MT2A: variants seen among roughly 807,000 people sequenced by gnomAD.
MT2A encodes metallothionein-2.
Under a neutral mutation model 9.9 loss-of-function variants are expected in MT2A, and 6 were observed. The observed-to-expected ratio is 0.61, with a 90% CI of 0.33 to 1.20. The LOEUF is 1.20. MT2A is among the 50% of genes most tolerant of loss of function. MT2A has a pLI of 0.04. For missense variants in MT2A, 57 were observed against 78.2 expected, an observed-to-expected ratio of 0.73 and a Z score of 1.02; for synonymous variants, 27 against 28.7, an observed-to-expected ratio of 0.94 and a Z score of 0.18.
At chr16:56,609,170 G>T (rs1960003230) in intron 2 of MT2A, 93 bp from the exon 3 acceptor site, 1 of 1,612,012 alleles carries the variant, frequency 6.2e-7, no homozygotes, top group Non-Finnish European at 8.5e-7. Flanking sequence ...CGCGGAAATT[G>T]TTGCCTCCTC....
rs1191324224 is a variant in MT2A, at chr16:56,608,617, T to C, written c.-39T>C. 2.5e-6 allele frequency: 4 copies of C among 1,613,986 alleles called. No individual in the cohort carries two copies. The highest frequency in any genetic ancestry group is 3.4e-6 in the Non-Finnish European group (4 of 1,179,994). On this transcript the variant is annotated 5_prime_UTR_variant, in exon 1 of 3. Coordinates refer to ENST00000245185, the MANE Select transcript of MT2A (RefSeq NM_005953.5). Reference sequence around the variant, plus strand: ...TCCTCCAAGTCCCAGCGAACCCGCGTGCAACCTGTCCCGACTCTAGCCGCC... The same window carrying C: ...TCCTCCAAGTCCCAGCGAACCCGCGCGCAACCTGTCCCGACTCTAGCCGCC...
intron 2 of MT2A, 69 bp downstream of exon 2, chr16:56,609,126 A>AG: frequency 6.2e-7 from 1 of 1,611,012 alleles, no homozygotes; most frequent in Non-Finnish European, 8.5e-7. Flanking sequence ...CACCATCCTC[A>AG]GGGGAATTAA....
rs929511198 is a variant in MT2A, at chr16:56,609,476, T to C, written c.*122T>C. The C allele has an allele frequency of 1.2e-5, 16 of 1,304,386 alleles. No homozygotes were observed. The highest frequency in any genetic ancestry group is 5.5e-5 in the Admixed American group (2 of 36,132). The allele number at this position is 1,304,386 out of a possible 1,614,324, so 80.8% of individuals were successfully genotyped here. A position where few individuals can be genotyped will look rare whatever the true frequency, so the allele number is the denominator to read the frequency against. ...TTTTTCTATGAAATAATGTGAATGA[T>C]AATAAAACAGCTTTGACTTGATTCT... On this transcript the variant is annotated 3_prime_UTR_variant, in exon 3 of 3. Coordinates refer to ENST00000245185, the MANE Select transcript of MT2A (RefSeq NM_005953.5).
rs1240485558 is a variant in MT2A at position 56,609,102 on chromosome 16, G to T, written c.94+45G>T. Reference sequence around the variant, plus strand: ...TCCTCTACCCCTTCCCTGTCCTCCAGCCTGTCCCCTCTCCACCATCCTCAG... The same window carrying T: ...TCCTCTACCCCTTCCCTGTCCTCCATCCTGTCCCCTCTCCACCATCCTCAG... On this transcript the variant is annotated intron_variant, in intron 2 of 2. Coordinates refer to ENST00000245185, the MANE Select transcript of MT2A (RefSeq NM_005953.5). 6 of 1,612,556 alleles carry T rather than the reference G, an allele frequency of 3.7e-6. No homozygotes were observed. The East Asian group carries it at 1.1e-4, about 30-fold the overall frequency.
Position 56,609,047 on chromosome 16 carries a change from C to G in MT2A, c.84C>G (p.Ser28=). Residue 28 remains serine (S), a synonymous_variant, in exon 2 of 3, where the codon TCC becomes TCG. Coordinates refer to ENST00000245185, the MANE Select transcript of MT2A (RefSeq NM_005953.5). ...SCKCKECKCT[S]CKKSCCSCCP... ...AATGCAAAGAGTGCAAATGCACCTCCTGCAAGAAAAGTAAGTGGGATCCTC... is the reference window on the plus strand; with the variant it reads ...AATGCAAAGAGTGCAAATGCACCTCGTGCAAGAAAAGTAAGTGGGATCCTC... 1.2e-6 allele frequency: 2 copies of G among 1,614,232 alleles called. No individual in the cohort carries two copies. The highest frequency in any genetic ancestry group is 8.5e-7 in the Non-Finnish European group (1 of 1,180,032).
chr16:56,609,140 A>G, intron 2 of MT2A, 83 bp downstream of exon 2: 1 of 1,610,260 alleles, frequency 6.2e-7, no homozygotes, highest in Non-Finnish European at 8.5e-7. Context: ...GAATTAAAGC[A>G]GTCTGGGGAT....
In MT2A at chr16:56,609,460, G is replaced by A; in HGVS notation, c.*106G>A. The A allele has an allele frequency of 7.3e-7, 1 of 1,371,560 alleles. No individual in the cohort carries two copies. The highest frequency in any genetic ancestry group is 1.4e-5 in the South Asian group (1 of 69,376). 85.0% of individuals were successfully genotyped at this position (1,371,560 alleles called of 1,614,324 possible). A position where few individuals can be genotyped will look rare whatever the true frequency, so the allele number is the denominator to read the frequency against. On this transcript the variant is annotated 3_prime_UTR_variant, in exon 3 of 3. Coordinates refer to ENST00000245185, the MANE Select transcript of MT2A (RefSeq NM_005953.5). ...CCGTTTGCTATATTCCTTTTTCTATGAAATAATGTGAATGATAATAAAACA... is the reference window on the plus strand; with the variant it reads ...CCGTTTGCTATATTCCTTTTTCTATAAAATAATGTGAATGATAATAAAACA...
chr16:56,609,424 C>A lies in MT2A; in HGVS notation c.*70C>A. 1 of 1,563,800 alleles carries A rather than the reference C, an allele frequency of 6.4e-7. No homozygotes were observed. Among genetic ancestry groups the A allele is most frequent in the South Asian group, 1.2e-5 (1 of 85,218 alleles). The stretch of plus-strand genomic sequence containing the variant: ...CAAACCTGGATTTTTTATGTACAAC[C>A]CTGACCGTGACCGTTTGCTATATTC... On this transcript the variant is annotated 3_prime_UTR_variant, in exon 3 of 3. Coordinates refer to ENST00000245185, the MANE Select transcript of MT2A (RefSeq NM_005953.5).
chr16:56,608,793 A>G, intron 1 of MT2A, 110 bp downstream of exon 1: 2 of 1,503,280 alleles, frequency 1.3e-6, no homozygotes, highest in Non-Finnish European at 1.8e-6. Flanking sequence ...CTCCTTCCCA[A>G]AGAGTTTTGG....
intron 1 of MT2A, 100 bp downstream of exon 1, chr16:56,608,783 C>A: frequency 6.5e-7 from 1 of 1,538,756 alleles, no homozygotes; most frequent in East Asian, 2.3e-5. Context: ...ACAGGAGTTG[C>A]TCCTTCCCAA....
Position 56,608,630 on chromosome 16 carries a change from G to A in MT2A, c.-26G>A, listed in dbSNP as rs375399881. The A allele has an allele frequency of 4.3e-6, 7 of 1,614,046 alleles. No homozygotes were observed. In the African/African-American group the frequency reaches 5.3e-5, roughly 12 times the overall value. ...AGCGAACCCGCGTGCAACCTGTCCCGACTCTAGCCGCCTCTTCAGCTCGCC... is the reference window on the plus strand; with the variant it reads ...AGCGAACCCGCGTGCAACCTGTCCCAACTCTAGCCGCCTCTTCAGCTCGCC... On this transcript the variant is annotated 5_prime_UTR_variant, in exon 1 of 3. Transcript: ENST00000245185.
At chr16:56,608,789 C>A in intron 1 of MT2A, 106 bp downstream of exon 1, 1 of 1,515,862 alleles carries the variant, frequency 6.6e-7, no homozygotes, top group Non-Finnish European at 9.1e-7. Context: ...GTTGCTCCTT[C>A]CCAAAGAGTT....
chr16:56,609,349 G>A lies in MT2A; in HGVS notation c.181G>A (p.Ala61Thr), dbSNP rs1258205423. The stretch of plus-strand genomic sequence containing the variant: ...GGCGTCGGACAAGTGCAGCTGCTGC[G>A]CCTGATGCTGGGACAGCCCCGCTCC... Reference protein sequence around the residue: ...KGASDKCSCCA With the variant: ...KGASDKCSCCT The change falls in exon 3 of 3, where the codon GCC becomes ACC. Residue 61 changes from alanine (A) to threonine (T), a missense_variant. Ala to Thr is a moderately conservative substitution (Grantham distance 58). Transcript: ENST00000245185. The A allele has an allele frequency of 6.2e-7, 1 of 1,613,908 alleles. No homozygotes were observed. The highest frequency in any genetic ancestry group is 1.3e-5 in the African/African-American group (1 of 74,928).
Position 56,609,323 on chromosome 16 carries a change from G to T in MT2A, c.155G>T (p.Gly52Val), listed in dbSNP as rs769120027. 1.2e-6 allele frequency: 2 copies of T among 1,614,226 alleles called. No homozygotes were observed. The highest frequency in any genetic ancestry group is 1.7e-6 in the Non-Finnish European group (2 of 1,180,046). ...TGTGCCCAGGGCTGCATCTGCAAAG[G>T]GGCGTCGGACAAGTGCAGCTGCTGC... ...AKCAQGCICK[G>V]ASDKCSCCA Residue 52 changes from glycine (G) to valine (V), a missense_variant, in exon 3 of 3, where the codon GGG becomes GTG. Gly to Val is a moderately radical substitution (Grantham distance 109). Transcript: ENST00000245185.
chr16:56,609,079 C>G, intron 2 of MT2A, 22 bp downstream of exon 2: 1 of 1,614,036 alleles, frequency 6.2e-7, no homozygotes, highest in Non-Finnish European at 8.5e-7. Flanking sequence ...CCTCTCTTTC[C>G]TCTACCCCTT....
In MT2A at chr16:56,608,694, G is replaced by A. The variant is rs751072676; in HGVS notation, c.28+11G>A. 30 of 1,614,048 alleles carry A rather than the reference G, an allele frequency of 1.9e-5. No individual in the cohort carries two copies. The highest frequency in any genetic ancestry group is 2.3e-5 in the Non-Finnish European group (27 of 1,180,028). Reference sequence around the variant, plus strand: ...GCTCCTGCGCCGCCGGTAAGAGGCTGGGGATGCCCAGTGTAGACTGTAGCG... The same window carrying A: ...GCTCCTGCGCCGCCGGTAAGAGGCTAGGGATGCCCAGTGTAGACTGTAGCG... On this transcript the variant is annotated intron_variant, in intron 1 of 2. Transcript: ENST00000245185.
chr16:56,608,603 C>T lies in MT2A; in HGVS notation c.-53C>T. The T allele has an allele frequency of 4.3e-6, 7 of 1,613,430 alleles. No individual in the cohort carries two copies. The highest frequency in any genetic ancestry group is 1.1e-5 in the South Asian group (1 of 91,044). ...CACTCCACCACGCCTCCTCCAAGTC[C>T]CAGCGAACCCGCGTGCAACCTGTCC... On this transcript the variant is annotated 5_prime_UTR_variant, in exon 1 of 3. Coordinates refer to ENST00000245185, the MANE Select transcript of MT2A (RefSeq NM_005953.5).
chr16:56,608,705 G>C (rs34908770), intron 1 of MT2A, 22 bp downstream of exon 1: 22,983 of 1,614,068 alleles, frequency 0.014, 207 homozygotes, highest in Middle Eastern at 0.027. Context: ...GGGATGCCCA[G>C]TGTAGACTGT....
At position 56,609,417 on chromosome 16, in the gene MT2A, G is replaced by C. The variant is rs545312117; in HGVS notation, c.*63G>C. 37 of 1,593,256 alleles carry C rather than the reference G, an allele frequency of 2.3e-5. No homozygotes were observed. The highest frequency in any genetic ancestry group is 3.2e-5 in the Non-Finnish European group (37 of 1,167,976). ...ACTTCCACAAACCTGGATTTTTTAT[G>C]TACAACCCTGACCGTGACCGTTTGC... On this transcript the variant is annotated 3_prime_UTR_variant, in exon 3 of 3. Transcript: ENST00000245185.
Sources: gnomAD v4.1 joint callset for allele counts on GRCh38, gnomAD v4.1.1 for gene constraint, MANE v1.5 for transcripts, NCBI Gene and HGNC (gene_info 2026-07-23, HGNC 2026-07-21) for gene names.